SVIP: variants seen among roughly 807,000 people sequenced by gnomAD.
SVIP encodes the protein small VCP/p97-interacting protein.
Under a neutral mutation model 12.9 loss-of-function variants are expected in SVIP, and 14 were observed. That is an observed-to-expected ratio of 1.08 (90% CI 0.72 to 1.70). The LOEUF is 1.70. Among genes scored for constraint, SVIP ranks in the 40% most tolerant of loss-of-function variants. The pLI is 0.00. For synonymous variants in SVIP, 35 were observed against 33.3 expected, an observed-to-expected ratio of 1.05 and a Z score of -0.17; for missense variants, 93 against 90.8, an observed-to-expected ratio of 1.02 and a Z score of -0.10.
chr11:22,822,859 A>T lies in SVIP; in HGVS notation c.*260T>A, dbSNP rs1223946507. On this transcript the variant is annotated 3_prime_UTR_variant, in exon 4 of 4. Coordinates refer to ENST00000354193, the MANE Select transcript of SVIP (RefSeq NM_148893.3). Reference sequence around the variant, plus strand: ...GTATGTATATTCACTATTTAGTTCCATTTTTTAACTACTAAGAAAAATAGC... The same window carrying T: ...GTATGTATATTCACTATTTAGTTCCTTTTTTTAACTACTAAGAAAAATAGC... 4.6e-6 allele frequency: 2 copies of T among 430,300 alleles called. No individual in the cohort carries two copies. Among genetic ancestry groups the T allele is most frequent in the African/African-American group, 4.1e-5 (2 of 49,360 alleles). 26.7% of individuals were successfully genotyped at this position (430,300 alleles called of 1,614,324 possible).
intron 1 of SVIP, chr11:22,829,375 TC>T (rs1857857466): frequency 3.4e-6 from 1 of 294,694 alleles, no homozygotes; most frequent in Admixed American, 5.3e-5. Flanking sequence ...CCCCGGAATG[TC>T]CCACGCGTAA....
At chr11:22,826,623 T>C (rs117874941) in intron 3 of SVIP, among the ~76,000 whole-genome samples, 3,101 of 152,256 alleles carry the variant, frequency 0.02, 42 homozygotes, top group Middle Eastern at 0.048. Flanking sequence ...TCTGCTTAAC[T>C]TGTCCACCAT....
At chr11:22,827,928 A>C in intron 1 of SVIP, 54 bp from the exon 2 acceptor site, 1 of 1,301,110 alleles carries the variant, frequency 7.7e-7, no homozygotes, top group African/African-American at 1.5e-5. Flanking sequence ...TTATTAATAA[A>C]TTATTCACAT....
chr11:22,825,480 TG>T (rs1857663643), intron 3 of SVIP, among the ~76,000 whole-genome samples: 1 of 152,138 alleles, frequency 6.6e-6, no homozygotes, highest in South Asian at 2.1e-4. Flanking sequence ...AGTGAGCCAC[TG>T]GAGAAAATCC....
At position 22,821,949 on chromosome 11, in the gene SVIP, G is replaced by A. The variant is rs577813412; in HGVS notation, c.*1170C>T. ...TCAGTTTCCTTTGTGTAAAGCAAGT[G>A]AACTTGGTCGATTTAACTTAAAATT... On this transcript the variant is annotated 3_prime_UTR_variant, in exon 4 of 4. Transcript: ENST00000354193. 1.3e-5 allele frequency: 2 copies of A among 152,274 alleles called. No homozygotes were observed. The highest frequency in any genetic ancestry group is 1.9e-4 in the East Asian group (1 of 5,188). 9.4% of individuals were successfully genotyped at this position (152,274 alleles called of 1,614,324 possible).
rs141448205 is a variant in SVIP at position 22,824,760 on chromosome 11, C to G, written c.220-1627G>C. Among the ~76,000 whole-genome samples, 188 of 152,176 alleles carry G rather than the reference C, an allele frequency of 1.2e-3. 1 individual carries two copies. Among genetic ancestry groups the G allele is most frequent in the African/African-American group, 4.3e-3 (180 of 41,544 alleles). On this transcript the variant is annotated intron_variant, in intron 3 of 3. Coordinates refer to ENST00000354193, the MANE Select transcript of SVIP (RefSeq NM_148893.3). ...AAACGCTAGGATAGTGATTCTCAAT[C>G]TGGGTTCACATTAGATTACCTTGGG... is the stretch of plus-strand genomic sequence containing the variant.
chr11:22,829,422 G>C (rs918742157), intron 1 of SVIP: 10 of 377,548 alleles, frequency 2.6e-5, no homozygotes, highest in Non-Finnish European at 4.3e-5. Flanking sequence ...ATGAAGATCC[G>C]GCGCAGCTAA....
At chr11:22,827,992 T>C (rs1194454635) in intron 1 of SVIP, 118 bp from the exon 2 acceptor site, 3 of 694,606 alleles carry the variant, frequency 4.3e-6, no homozygotes, top group Non-Finnish European at 6.4e-6. Flanking sequence ...TGGCCCTAAA[T>C]GTCCCACAAA....
Position 22,824,463 on chromosome 11 carries a change from C to CGTATATATATATGT in SVIP, c.220-1331_220-1330insACATATATATATAC, listed in dbSNP as rs1564905965. On this transcript the variant is annotated intron_variant, in intron 3 of 3. Coordinates refer to ENST00000354193, the MANE Select transcript of SVIP (RefSeq NM_148893.3). ...ACACACACATATATATATATATACA[C>CGTATATATATATGT]ATATATATACGTATATATATATGTA... Among the ~76,000 whole-genome samples, 181 of 115,088 alleles carry CGTATATATATATGT rather than the reference C, an allele frequency of 1.6e-3. 1 individual carries two copies. The highest frequency in any genetic ancestry group is 5.1e-3 in the African/African-American group (171 of 33,682). The allele number at this position is 115,088 out of a possible 152,430, so 75.5% of individuals were successfully genotyped here. A position where few individuals can be genotyped will look rare whatever the true frequency, so the allele number is the denominator to read the frequency against.
In SVIP at chr11:22,822,918, G is replaced by A. The variant is rs1185598128; in HGVS notation, c.*201C>T. On this transcript the variant is annotated 3_prime_UTR_variant, in exon 4 of 4. Transcript: ENST00000354193. ...CACTAACTGCAGAAGAGCAAATGTA[G>A]GAAAATCAGTATTTAATGAAAAGTC... The A allele has an allele frequency of 2.0e-6, 1 of 506,912 alleles. No homozygotes were observed. The highest frequency in any genetic ancestry group is 3.9e-5 in the Admixed American group (1 of 25,908). 31.4% of individuals were successfully genotyped at this position (506,912 alleles called of 1,614,324 possible). A position where few individuals can be genotyped will look rare whatever the true frequency, so the allele number is the denominator to read the frequency against.
At position 22,829,790 on chromosome 11, in the gene SVIP, C is replaced by G; in HGVS notation, c.-42G>C. On this transcript the variant is annotated 5_prime_UTR_variant, in exon 1 of 4. Coordinates refer to ENST00000354193, the MANE Select transcript of SVIP (RefSeq NM_148893.3). The stretch of plus-strand genomic sequence containing the variant: ...GAACCCTGACCGGGTCCGGCCCAGG[C>G]CAGGCGGCGCTAACTGCGCGGTCCG... 6.4e-7 allele frequency: 1 copy of G among 1,564,330 alleles called. No individual in the cohort carries two copies.
In SVIP at chr11:22,821,102, G is replaced by GTA. The variant is rs1467387452; in HGVS notation, c.*2016_*2017insTA. ...ATAAATTAGAATTTGCAGATATTATGTGTATATATATACACACATATATAA... is the reference window on the plus strand; with the variant it reads ...ATAAATTAGAATTTGCAGATATTATGTATGTATATATATACACACATATATAA... On this transcript the variant is annotated 3_prime_UTR_variant, in exon 4 of 4. Coordinates refer to ENST00000354193, the MANE Select transcript of SVIP (RefSeq NM_148893.3). 8 of 146,734 alleles carry GTA rather than the reference G, an allele frequency of 5.5e-5. No homozygotes were observed. In the Admixed American group the frequency reaches 5.5e-4, roughly 10 times the overall value. The allele number at this position is 146,734 out of a possible 1,614,324, so 9.1% of individuals were successfully genotyped here. A position where few individuals can be genotyped will look rare whatever the true frequency, so the allele number is the denominator to read the frequency against.
intron 1 of SVIP, 118 bp from the exon 2 acceptor site, chr11:22,827,992 T>A: frequency 1.4e-6 from 1 of 694,724 alleles, no homozygotes; most frequent in Non-Finnish European, 2.1e-6. Flanking sequence ...TGGCCCTAAA[T>A]GTCCCACAAA....
At chr11:22,824,455 TATATACAC>T (rs1857606924) in intron 3 of SVIP, among the ~76,000 whole-genome samples, 1 of 97,940 alleles carries the variant, frequency 1.0e-5, no homozygotes, top group African/African-American at 3.0e-5. Context: ...CATATATATA[TATATACAC>T]ATATATATAC....
At chr11:22,825,536 A>C (rs1857665699) in intron 3 of SVIP, among the ~76,000 whole-genome samples, 1 of 152,178 alleles carries the variant, frequency 6.6e-6, no homozygotes, top group African/African-American at 2.4e-5. Flanking sequence ...CATTTTTACT[A>C]AGTGAGTTTG....
At chr11:22,828,826 C>A (rs1403919392) in intron 1 of SVIP, among the ~76,000 whole-genome samples, 1 of 152,110 alleles carries the variant, frequency 6.6e-6, no homozygotes, top group Non-Finnish European at 1.5e-5. Flanking sequence ...TAATGTACTT[C>A]CCAAAAATAC....
Position 22,827,231 on chromosome 11 carries a change from C to G in SVIP, c.195G>C (p.Gly65=). 1 of 1,608,484 alleles carries G rather than the reference C, an allele frequency of 6.2e-7. No individual in the cohort carries two copies. The highest frequency in any genetic ancestry group is 1.7e-4 in the Middle Eastern group (1 of 6,040). ...CCCTAAGTCCACCTTCTGGTGGGGGCCCGGATGTAGCAATTTGTTTTTCTA... is the reference window on the plus strand; with the variant it reads ...CCCTAAGTCCACCTTCTGGTGGGGGGCCGGATGTAGCAATTTGTTTTTCTA... ...EKIEKQIATS[G]PPPEGGLRWT... The change falls in exon 3 of 4, where the codon GGG becomes GGC. Residue 65 remains glycine (G), a synonymous_variant. Coordinates refer to ENST00000354193, the MANE Select transcript of SVIP (RefSeq NM_148893.3).
At chr11:22,827,155 G>GT in intron 3 of SVIP, 52 bp downstream of exon 3, 7 of 1,416,438 alleles carry the variant, frequency 4.9e-6, no homozygotes, top group Non-Finnish European at 6.9e-6. Context: ...TGCTACTTAA[G>GT]TTTTTTTAAA....
chr11:22,826,188 A>C (rs922010451), intron 3 of SVIP, among the ~76,000 whole-genome samples: 4 of 152,228 alleles, frequency 2.6e-5, no homozygotes, highest in African/African-American at 9.6e-5. Flanking sequence ...ATATAAGATG[A>C]AGTAACGTAC....
Sources: allele counts gnomAD v4.1 joint callset (sites outside exome capture counted in the v4.1 genomes callset), GRCh38; gene constraint gnomAD v4.1.1; transcripts MANE v1.5; gene names NCBI Gene and HGNC (gene_info 2026-07-23, HGNC 2026-07-21).